Variants in HSF5 observed in about 807,000 individuals in gnomAD.
HSF5 encodes the protein heat shock transcription factor 5.
A neutral mutation model predicts 50.8 loss-of-function variants in HSF5; 5 were observed. The observed-to-expected ratio is 0.10, with a 90% confidence interval of 0.05 to 0.21. The LOEUF (loss-of-function observed/expected upper bound fraction) is 0.21, where lower values mean the gene tolerates loss of function less well. Ranked by LOEUF, HSF5 falls within the 10% of genes least tolerant of loss-of-function variation. HSF5 has a pLI of 1.00. For missense variants in HSF5, 564 were observed against 762.6 expected (o/e 0.74, Z 3.07); for synonymous variants, 307 against 307.4 (o/e 1.00, Z 0.02).
intron 3 of HSF5, 45 bp from the exon 4 acceptor site, chr17:58,463,348 T>A (rs748265819): frequency 6.7e-7 from 1 of 1,483,514 alleles, no homozygotes; most frequent in South Asian, 1.2e-5. Flanking sequence ...AAATAAAATA[T>A]GAGATTAAGG....
intron 2 of HSF5, among the ~76,000 whole-genome samples, chr17:58,474,631 C>T (rs1221237164): frequency 6.6e-6 from 1 of 152,098 alleles, no homozygotes; most frequent in Non-Finnish European, 1.5e-5. Context: ...TTTTAACAAA[C>T]AGCAGTTCTA....
At chr17:58,426,932 C>A (rs922396519) in intron 5 of HSF5, among the ~76,000 whole-genome samples, 1 of 152,030 alleles carries the variant, frequency 6.6e-6, no homozygotes, top group Admixed American at 6.6e-5. Context: ...AATTTGGACA[C>A]CTAATCAATT....
chr17:58,487,615 T>C, intron 1 of HSF5, 110 bp downstream of exon 1: 2 of 1,292,100 alleles, frequency 1.5e-6, no homozygotes, highest in Non-Finnish European at 1.9e-6. Flanking sequence ...CCCCGGCGCC[T>C]TTCCGACGCC....
chr17:58,484,837 A>G (rs1975146341), intron 1 of HSF5, among the ~76,000 whole-genome samples: 1 of 152,166 alleles, frequency 6.6e-6, no homozygotes, highest in African/African-American at 2.4e-5. Flanking sequence ...TAAATTCCAA[A>G]TGAACCAAGT....
intron 2 of HSF5, among the ~76,000 whole-genome samples, chr17:58,470,160 G>T (rs1567916095): frequency 6.6e-6 from 1 of 152,152 alleles, no homozygotes; most frequent in Non-Finnish European, 1.5e-5. Context: ...TAAAGAAAAG[G>T]TCTTCTGAGT....
intron 4 of HSF5, among the ~76,000 whole-genome samples, chr17:58,460,474 T>C (rs1339091223): frequency 8.7e-5 from 7 of 80,194 alleles, no homozygotes; most frequent in East Asian, 8.7e-4. Flanking sequence ...TATATACATA[T>C]ATATACACAC....
intron 5 of HSF5, among the ~76,000 whole-genome samples, chr17:58,458,132 T>G (rs990980887): frequency 2.6e-5 from 4 of 152,222 alleles, no homozygotes; most frequent in African/African-American, 9.6e-5. Flanking sequence ...CTGCAGACTT[T>G]GGTAACTTGA....
At chr17:58,432,504 C>T (rs2680712) in intron 5 of HSF5, among the ~76,000 whole-genome samples, 25,909 of 151,928 alleles carry the variant, frequency 0.17, 2,346 homozygotes, top group Middle Eastern at 0.23. Flanking sequence ...CAGGCAGAGA[C>T]AATAGCAAGT....
chr17:58,480,918 G>C (rs1975091308), intron 1 of HSF5, among the ~76,000 whole-genome samples: 1 of 152,066 alleles, frequency 6.6e-6, no homozygotes, highest in Non-Finnish European at 1.5e-5. Flanking sequence ...CTCCTGACTA[G>C]CTGGAACTAT....
intron 5 of HSF5, among the ~76,000 whole-genome samples, chr17:58,457,235 G>A (rs992667493): frequency 1.3e-5 from 2 of 151,256 alleles, no homozygotes; most frequent in East Asian, 1.9e-4. Context: ...ACTACAGCCC[G>A]GGCAACAGAG....
intron 1 of HSF5, among the ~76,000 whole-genome samples, chr17:58,483,294 AT>A (rs1374049809): frequency 6.6e-6 from 1 of 152,222 alleles, no homozygotes; most frequent in Non-Finnish European, 1.5e-5. Flanking sequence ...CCAATTAACT[AT>A]TTTAGATGCA....
At chr17:58,485,326 G>A (rs1166597057) in intron 1 of HSF5, among the ~76,000 whole-genome samples, 2 of 152,136 alleles carry the variant, frequency 1.3e-5, no homozygotes, top group East Asian at 1.9e-4. Context: ...TGAAGGTGAA[G>A]AATGAATGAA....
At chr17:58,425,559 A>G (rs1365773613) in intron 5 of HSF5, among the ~76,000 whole-genome samples, 2 of 135,532 alleles carry the variant, frequency 1.5e-5, no homozygotes, top group South Asian at 5.3e-4. Flanking sequence ...TGGGCAACAT[A>G]GTAAGACCTC....
intron 5 of HSF5, among the ~76,000 whole-genome samples, chr17:58,430,348 A>G (rs1227001519): frequency 6.6e-6 from 1 of 152,112 alleles, no homozygotes; most frequent in Non-Finnish European, 1.5e-5. Context: ...CTAGGATTAC[A>G]GGTGTGAGCC....
chr17:58,436,312 A>G (rs1180068144), intron 5 of HSF5, among the ~76,000 whole-genome samples: 3 of 152,072 alleles, frequency 2.0e-5, no homozygotes, highest in Non-Finnish European at 4.4e-5. Flanking sequence ...CAACTTCATG[A>G]ATTGTATTTC....
At chr17:58,432,516 T>C (rs923919366) in intron 5 of HSF5, among the ~76,000 whole-genome samples, 1 of 152,054 alleles carries the variant, frequency 6.6e-6, no homozygotes, top group Non-Finnish European at 1.5e-5. Context: ...ATAGCAAGTG[T>C]AAAGGCTGGA....
intron 5 of HSF5, among the ~76,000 whole-genome samples, chr17:58,448,009 G>A (rs879898355): frequency 1.9e-4 from 29 of 151,712 alleles, no homozygotes; most frequent in Middle Eastern, 3.4e-3. Flanking sequence ...AATTAGCCAG[G>A]CATGATCCCA....
At chr17:58,472,302 AC>A (rs201073971) in intron 2 of HSF5, among the ~76,000 whole-genome samples, 1 of 150,880 alleles carries the variant, frequency 6.6e-6, no homozygotes, top group Admixed American at 6.6e-5. Context: ...CCCTAGCTGT[AC>A]CCCCCCCAAA....
chr17:58,437,972 T>C (rs1415748852), intron 5 of HSF5, among the ~76,000 whole-genome samples: 1 of 152,308 alleles, frequency 6.6e-6, no homozygotes, highest in East Asian at 1.9e-4. Context: ...TAGTTATCTA[T>C]AAATAATGCC....
Sources: gnomAD v4.1 joint callset for allele counts (sites outside exome capture counted in the v4.1 genomes callset) on GRCh38, gnomAD v4.1.1 for gene constraint, MANE v1.5 for transcripts, NCBI Gene and HGNC (gene_info 2026-07-23, HGNC 2026-07-21) for gene names.